The following CHMP2B variants were observed in gnomAD, a reference collection of about 807,000 sequenced individuals.
CHMP2B encodes VPS2 homolog B.
CHMP2B carries 22 observed loss-of-function variants against 29.8 expected under a neutral mutation model. That is an observed-to-expected ratio of 0.74 (90% CI 0.53 to 1.05). The LOEUF is 1.05. Ranked by LOEUF, CHMP2B falls within the 50% of genes least tolerant of loss-of-function variation. The pLI is 0.00. For synonymous variants in CHMP2B, 78 were observed against 75.8 expected (o/e 1.03, Z -0.15); for missense variants, 261 against 252.2 (o/e 1.03, Z -0.24).
rs754433917 is a variant in CHMP2B, at chr3:87,245,806, G to A, written c.219G>A (p.Thr73=). 1.3e-5 allele frequency: 21 copies of A among 1,613,662 alleles called. No individual in the cohort carries two copies. The highest frequency in any genetic ancestry group is 4.0e-5 in the African/African-American group (3 of 74,876). The change falls in exon 3 of 6, where the codon ACG becomes ACA. Residue 73 remains threonine, a synonymous_variant. Transcript: ENST00000263780. The part of the protein sequence containing the change: ...KQLVHLRKQK[T]RTFAVSSKVT... ...TTGTGCATCTACGGAAACAGAAGAC[G>A]AGAACTTTTGCTGTAAGTTCAAAAG... is the stretch of plus-strand genomic sequence containing the variant.
chr3:87,228,987 G>GT lies in CHMP2B; in HGVS notation c.34+1440dup, dbSNP rs201479392. ...TTTGCTTGAGTTTTATATAGTTACA[G>GT]TTTTTTTTTGTTGTTTAGTTTTATA... On this transcript the variant is annotated intron_variant, in intron 1 of 5. Transcript: ENST00000263780. Among the ~76,000 whole-genome samples, 728 of 151,142 alleles carry GT rather than the reference G, an allele frequency of 4.8e-3. 4 individuals are homozygous for GT. The highest frequency in any genetic ancestry group is 0.03 in the East Asian group (155 of 5,162).
intron 4 of CHMP2B, among the ~76,000 whole-genome samples, chr3:87,252,449 G>GA (rs1706331557): frequency 1.3e-5 from 2 of 150,524 alleles, no homozygotes; most frequent in Non-Finnish European, 3.0e-5. Context: ...ATTCCTTCTT[G>GA]CTTGTGTCCC....
At chr3:87,240,502 G>T (rs1706096893) in intron 1 of CHMP2B, 197 bp from the exon 2 acceptor site, 6 of 462,226 alleles carry the variant, frequency 1.3e-5, no homozygotes, top group Non-Finnish European at 2.0e-5. Flanking sequence ...TAGAGATGGG[G>T]TTTCTCCATG....
chr3:87,246,028 T>G, intron 3 of CHMP2B, 120 bp downstream of exon 3: 3 of 758,856 alleles, frequency 4.0e-6, no homozygotes, highest in Non-Finnish European at 6.5e-6. Flanking sequence ...TGTGTGTAAT[T>G]TTTAGTAAAA....
intron 1 of CHMP2B, among the ~76,000 whole-genome samples, chr3:87,229,547 T>C (rs935891168): frequency 6.6e-6 from 1 of 152,180 alleles, no homozygotes; most frequent in Admixed American, 6.5e-5. Context: ...CTTTTTTTAT[T>C]CCCTGTTTTA....
In CHMP2B at chr3:87,253,974, G is replaced by T; in HGVS notation, c.*152G>T. The stretch of plus-strand genomic sequence containing the variant: ...TTGTTTCCTAACCCATGGCTATTTA[G>T]AATCTTTTGCCAAAGAATGACAATG... On this transcript the variant is annotated 3_prime_UTR_variant, in exon 6 of 6. Transcript: ENST00000263780. 1 of 593,162 alleles carries T rather than the reference G, an allele frequency of 1.7e-6. No individual in the cohort carries two copies. Among genetic ancestry groups the T allele is most frequent in the Non-Finnish European group, 3.0e-6 (1 of 336,500 alleles). 36.7% of individuals were successfully genotyped at this position (593,162 alleles called of 1,614,324 possible).
At chr3:87,232,474 T>A (rs1028351814) in intron 1 of CHMP2B, among the ~76,000 whole-genome samples, 1 of 152,160 alleles carries the variant, frequency 6.6e-6, no homozygotes, top group Non-Finnish European at 1.5e-5. Flanking sequence ...AACTCAAATT[T>A]TACTTTCTAC....
intron 1 of CHMP2B, among the ~76,000 whole-genome samples, chr3:87,235,463 C>T (rs973033943): frequency 2.0e-5 from 3 of 152,036 alleles, no homozygotes; most frequent in African/African-American, 4.8e-5. Flanking sequence ...ACATTAGCCG[C>T]TCTGAGTTTA....
chr3:87,242,552 A>G (rs115730960), intron 2 of CHMP2B, among the ~76,000 whole-genome samples: 3,081 of 152,260 alleles, frequency 0.02, 53 homozygotes, highest in Non-Finnish European at 0.028. Context: ...ACTCATAGTC[A>G]GTAATATTTT....
chr3:87,250,918 G>A (rs931103636), intron 4 of CHMP2B, among the ~76,000 whole-genome samples: 10 of 151,508 alleles, frequency 6.6e-5, no homozygotes, highest in African/African-American at 9.7e-5. Flanking sequence ...TAGCACCCTC[G>A]TCAACATTAG....
rs545831609 is a variant in CHMP2B, at chr3:87,237,683, A to T, written c.35-3016A>T. On this transcript the variant is annotated intron_variant, in intron 1 of 5. Transcript: ENST00000263780. ...TCTATGATAGGTTCTTCATTTAAGGATTGACAATGCATACCCATGTATTAA... is the reference window on the plus strand; with the variant it reads ...TCTATGATAGGTTCTTCATTTAAGGTTTGACAATGCATACCCATGTATTAA... Among the ~76,000 whole-genome samples the T allele has an allele frequency of 1.4e-4, 21 of 152,348 alleles. No homozygotes were observed. In the East Asian group the frequency reaches 2.7e-3, roughly 20 times the overall value.
chr3:87,243,484 A>G (rs1706159183), intron 2 of CHMP2B, among the ~76,000 whole-genome samples: 1 of 152,038 alleles, frequency 6.6e-6, no homozygotes, highest in South Asian at 2.1e-4. Flanking sequence ...ATATCAGGGT[A>G]ATAATGCTGG....
chr3:87,248,043 A>G (rs1706246639), intron 3 of CHMP2B, among the ~76,000 whole-genome samples: 1 of 152,112 alleles, frequency 6.6e-6, no homozygotes, highest in African/African-American at 2.4e-5. Context: ...CATGCCTGTA[A>G]TCTCAGCACT....
At chr3:87,252,410 C>A (rs1482116470) in intron 4 of CHMP2B, among the ~76,000 whole-genome samples, 1 of 151,074 alleles carries the variant, frequency 6.6e-6, no homozygotes, top group Non-Finnish European at 1.5e-5. Context: ...CATTTATGTA[C>A]CTTAAATAAC....
chr3:87,250,096 G>A, intron 4 of CHMP2B, 119 bp downstream of exon 4: 2 of 610,432 alleles, frequency 3.3e-6, no homozygotes, highest in Non-Finnish European at 5.8e-6. Flanking sequence ...AAGATGATAG[G>A]CTCAAAATTC....
intron 1 of CHMP2B, among the ~76,000 whole-genome samples, chr3:87,233,466 A>G (rs183440341): frequency 7.8e-4 from 118 of 151,758 alleles, no homozygotes; most frequent in South Asian, 2.3e-3. Context: ...TTTTCTCTTC[A>G]TCAAGTCAAG....
At chr3:87,227,962 G>T (rs1705843817) in intron 1 of CHMP2B, among the ~76,000 whole-genome samples, 1 of 152,186 alleles carries the variant, frequency 6.6e-6, no homozygotes, top group Non-Finnish European at 1.5e-5. Flanking sequence ...TGGCAGTCTC[G>T]GAATGGGGAG....
chr3:87,241,195 A>G (rs904779177), intron 2 of CHMP2B, among the ~76,000 whole-genome samples: 3 of 152,218 alleles, frequency 2.0e-5, no homozygotes, highest in African/African-American at 4.8e-5. Flanking sequence ...GTCTTTGACA[A>G]TGAATGTACT....
intron 2 of CHMP2B, among the ~76,000 whole-genome samples, chr3:87,243,037 A>G (rs1706148602): frequency 6.6e-6 from 1 of 152,174 alleles, no homozygotes. Flanking sequence ...AGACATATTA[A>G]CATAATGTTA....
Sources: gnomAD v4.1 joint callset for allele counts (sites outside exome capture counted in the v4.1 genomes callset) on GRCh38, gnomAD v4.1.1 for gene constraint, MANE v1.5 for transcripts, NCBI Gene and HGNC (gene_info 2026-07-23, HGNC 2026-07-21) for gene names.